IPO8: variants seen among roughly 807,000 people sequenced by gnomAD.
IPO8 encodes the protein importin-8.
In IPO8, 65 loss-of-function variants were observed where a neutral mutation model predicts 141.2. The observed-to-expected ratio is 0.46, with a 90% CI of 0.38 to 0.57. The LOEUF (loss-of-function observed/expected upper bound fraction) is 0.57, where lower values mean the gene tolerates loss of function less well. Ranked by LOEUF, IPO8 falls within the 20% of genes least tolerant of loss-of-function variation. The pLI is 0.00. For synonymous variants in IPO8, 411 were observed against 420.3 expected, an observed-to-expected ratio of 0.98 and a Z score of 0.27; for missense variants, 980 against 1,246.8, an observed-to-expected ratio of 0.79 and a Z score of 3.22.
At chr12:30,650,857 G>A (rs891949456) in intron 19 of IPO8, among the ~76,000 whole-genome samples, 1 of 151,954 alleles carries the variant, frequency 6.6e-6, no homozygotes, top group African/African-American at 2.4e-5. Flanking sequence ...CCTCAGCATA[G>A]TGCAAGAAAC....
chr12:30,663,763 T>C (rs1176698095), intron 13 of IPO8, 109 bp from the exon 14 acceptor site: 2 of 880,846 alleles, frequency 2.3e-6, no homozygotes, highest in Non-Finnish European at 3.1e-6. Flanking sequence ...TGAAGAAATG[T>C]TTGCTTTTGG....
intron 1 of IPO8, among the ~76,000 whole-genome samples, chr12:30,692,549 T>C (rs1378948184): frequency 1.3e-5 from 2 of 152,344 alleles, no homozygotes; most frequent in Non-Finnish European, 2.9e-5. Context: ...CTGAGGATAT[T>C]TTGTATCTGT....
At chr12:30,687,758 T>C (rs928297355) in intron 2 of IPO8, among the ~76,000 whole-genome samples, 2 of 152,206 alleles carry the variant, frequency 1.3e-5, no homozygotes, top group African/African-American at 4.8e-5. Flanking sequence ...TTTCTGTTTA[T>C]TTCTAGGTTC....
At chr12:30,677,298 T>C (rs2053135153) in intron 5 of IPO8, 1 of 368,736 alleles carries the variant, frequency 2.7e-6, no homozygotes, top group Non-Finnish European at 5.3e-6. Context: ...AGTGACATAG[T>C]AACCATCTTA....
rs114355019 is a variant in IPO8 at position 30,644,198 on chromosome 12, T to A, written c.2269-4463A>T. On this transcript the variant is annotated intron_variant, in intron 20 of 24. Coordinates refer to ENST00000256079, the MANE Select transcript of IPO8 (RefSeq NM_006390.4). Reference sequence around the variant, plus strand: ...GCCAAAACCACATAGTGAGACCTCATCTTTACAAAAAATTTGAAAATGAGC... The same window carrying A: ...GCCAAAACCACATAGTGAGACCTCAACTTTACAAAAAATTTGAAAATGAGC... 4.4e-3 allele frequency among the ~76,000 whole-genome samples: 668 copies of A among 152,102 alleles called. 5 individuals carry two copies. The highest frequency in any genetic ancestry group is 0.015 in the African/African-American group (620 of 41,494).
chr12:30,681,387 G>T (rs1466948857), intron 4 of IPO8, among the ~76,000 whole-genome samples: 1 of 152,124 alleles, frequency 6.6e-6, no homozygotes, highest in Non-Finnish European at 1.5e-5. Flanking sequence ...GAGTTTCCAA[G>T]GAAAGCTGTT....
At chr12:30,655,936 C>T (rs564755376) in intron 17 of IPO8, among the ~76,000 whole-genome samples, 7 of 152,268 alleles carry the variant, frequency 4.6e-5, no homozygotes, top group African/African-American at 1.4e-4. Context: ...TGCTTGAATA[C>T]GATGGAAGAC....
chr12:30,674,980 C>G (rs1466534846), intron 6 of IPO8, among the ~76,000 whole-genome samples: 1 of 152,082 alleles, frequency 6.6e-6, no homozygotes, highest in African/African-American at 2.4e-5. Flanking sequence ...TTCAAAAGGC[C>G]TAAATAAGTA....
At chr12:30,640,575 C>A (rs539308844) in intron 20 of IPO8, among the ~76,000 whole-genome samples, 1 of 152,088 alleles carries the variant, frequency 6.6e-6, no homozygotes, top group East Asian at 1.9e-4. Context: ...TAGTTTAACT[C>A]TACGTCTACT....
chr12:30,644,459 T>G (rs1458742736), intron 20 of IPO8, among the ~76,000 whole-genome samples: 1 of 150,930 alleles, frequency 6.6e-6, no homozygotes, highest in Non-Finnish European at 1.5e-5. Context: ...AATACCCCAA[T>G]AAAGCTTGGG....
intron 7 of IPO8, 58 bp downstream of exon 7, chr12:30,674,601 C>A: frequency 2.4e-6 from 3 of 1,231,720 alleles, no homozygotes; most frequent in South Asian, 2.4e-5. Flanking sequence ...GACAGATAAT[C>A]ATATCTGATA....
chr12:30,694,642 A>G (rs2053320266), intron 1 of IPO8, among the ~76,000 whole-genome samples: 1 of 152,180 alleles, frequency 6.6e-6, no homozygotes, highest in Non-Finnish European at 1.5e-5. Context: ...CATAATTTGT[A>G]AGTTCTCAGG....
intron 3 of IPO8, among the ~76,000 whole-genome samples, chr12:30,682,192 A>G (rs2053196078): frequency 6.6e-6 from 1 of 152,214 alleles, no homozygotes; most frequent in Non-Finnish European, 1.5e-5. Context: ...GGGAAAAAAT[A>G]ACACTTCAAA....
chr12:30,686,260 C>A (rs1197166452), intron 2 of IPO8: 1 of 152,078 alleles, frequency 6.6e-6, no homozygotes, highest in African/African-American at 2.4e-5. Flanking sequence ...GTACACATTC[C>A]ATAAAAATGT....
At chr12:30,638,930 C>T (rs10771746) in intron 21 of IPO8, among the ~76,000 whole-genome samples, 41,602 of 151,940 alleles carry the variant, frequency 0.27, 5,744 homozygotes, top group East Asian at 0.38. Context: ...CTCGGCCTCC[C>T]AAAGTGCTGG....
At chr12:30,680,348 C>T in intron 5 of IPO8, 134 bp downstream of exon 5, 2 of 631,522 alleles carry the variant, frequency 3.2e-6, no homozygotes, top group Non-Finnish European at 2.5e-6. Flanking sequence ...ACCTGTTCCT[C>T]ATAAGCATTT....
At chr12:30,669,119 A>G (rs1184934495) in intron 10 of IPO8, 64 bp downstream of exon 10, 4 of 669,934 alleles carry the variant, frequency 6.0e-6, no homozygotes, top group South Asian at 4.5e-5. Context: ...GCTTAAAAAT[A>G]TAAATTTAGT....
At chr12:30,676,964 A>C in intron 5 of IPO8, 1 of 1,533,024 alleles carries the variant, frequency 6.5e-7, no homozygotes, top group Non-Finnish European at 8.7e-7. Context: ...AACACTCATG[A>C]AACATTTTTT....
intron 21 of IPO8, among the ~76,000 whole-genome samples, chr12:30,638,742 C>G (rs2136126979): frequency 6.6e-6 from 1 of 152,236 alleles, no homozygotes; most frequent in South Asian, 2.1e-4. Flanking sequence ...TCTCAGCTCA[C>G]TGCAAGCTCC....
Sources: allele counts gnomAD v4.1 joint callset (sites outside exome capture counted in the v4.1 genomes callset), GRCh38; gene constraint gnomAD v4.1.1; transcripts MANE v1.5; gene names NCBI Gene and HGNC (gene_info 2026-07-23, HGNC 2026-07-21).